FSTL5: variants seen among roughly 807,000 people sequenced by gnomAD.
The protein encoded by FSTL5 is follistatin-related protein 5.
A neutral mutation model predicts 89.1 loss-of-function variants in FSTL5; 62 were observed. That is an observed-to-expected ratio of 0.70 (90% CI 0.57 to 0.86). The LOEUF (loss-of-function observed/expected upper bound fraction) is 0.86. Ranked by LOEUF, FSTL5 falls within the 40% of genes least tolerant of loss-of-function variation. The pLI is 0.00. For synonymous variants in FSTL5, 383 were observed against 346.2 expected, an observed-to-expected ratio of 1.11 and a Z score of -1.18; for missense variants, 1,057 against 1,001.6, an observed-to-expected ratio of 1.06 and a Z score of -0.75.
At chr4:161,475,380 T>C (rs1336177405) in intron 13 of FSTL5, among the ~76,000 whole-genome samples, 1 of 152,156 alleles carries the variant, frequency 6.6e-6, no homozygotes, top group African/African-American at 2.4e-5. Flanking sequence ...ACTGCCGCAG[T>C]GCATATGTTG....
intron 4 of FSTL5, among the ~76,000 whole-genome samples, chr4:161,883,206 T>C (rs1732689219): frequency 6.6e-6 from 1 of 152,200 alleles, no homozygotes; most frequent in African/African-American, 2.4e-5. Flanking sequence ...CCTGTAATAC[T>C]GTAATCTCTA....
intron 15 of FSTL5, among the ~76,000 whole-genome samples, chr4:161,444,052 C>T (rs1275737137): frequency 6.6e-6 from 1 of 151,756 alleles, no homozygotes; most frequent in Non-Finnish European, 1.5e-5. Flanking sequence ...TTTTTATTTT[C>T]TTTCCTTGGA....
intron 15 of FSTL5, among the ~76,000 whole-genome samples, chr4:161,454,696 T>G (rs1299919046): frequency 6.6e-6 from 1 of 152,200 alleles, no homozygotes; most frequent in East Asian, 1.9e-4. Flanking sequence ...AATGCCAGCA[T>G]TTTGTAAGAG....
chr4:161,472,375 G>T (rs2126436940), intron 13 of FSTL5, among the ~76,000 whole-genome samples: 1 of 151,860 alleles, frequency 6.6e-6, no homozygotes, highest in East Asian at 1.9e-4. Context: ...CCTTCTTTCT[G>T]CTAGCTCTGA....
chr4:161,651,409 T>A (rs1354660001), intron 7 of FSTL5, among the ~76,000 whole-genome samples: 1 of 152,116 alleles, frequency 6.6e-6, no homozygotes, highest in Non-Finnish European at 1.5e-5. Flanking sequence ...GGTTCCAGCA[T>A]TTCCTGTGAA....
chr4:161,580,485 G>A (rs1578942500), intron 8 of FSTL5, among the ~76,000 whole-genome samples: 1 of 152,164 alleles, frequency 6.6e-6, no homozygotes. Context: ...AATGGGAAAA[G>A]TTAGACAATG....
rs148886890 is a variant in FSTL5, at chr4:161,549,483, C to A, written c.1016-6790G>T. 7.2e-4 allele frequency among the ~76,000 whole-genome samples: 110 copies of A among 151,828 alleles called. 1 individual carries two copies. The highest frequency in any genetic ancestry group is 2.6e-3 in the African/African-American group (106 of 41,474). The stretch of plus-strand genomic sequence containing the variant: ...AGCCGGGTGACTTGTGTAATGAAGA[C>A]CATGTGGAAGAGTTCCACAGGATGT... On this transcript the variant is annotated intron_variant, in intron 8 of 15. Transcript: ENST00000306100.
At chr4:162,143,805 CACACACACACACACAT>C (rs1174078615) in intron 1 of FSTL5, among the ~76,000 whole-genome samples, 1 of 139,102 alleles carries the variant, frequency 7.2e-6, no homozygotes, top group African/African-American at 2.6e-5. Context: ...CACACACACA[CACACACACACACACAT>C]ACAAACACAC....
Position 161,770,935 on chromosome 4 carries a change from T to G in FSTL5, c.606+4943A>C, listed in dbSNP as rs762208119. Among the ~76,000 whole-genome samples the G allele has an allele frequency of 6.6e-5, 10 of 152,044 alleles. 1 individual carries two copies. Among genetic ancestry groups the G allele is most frequent in the Non-Finnish European group, 1.3e-4 (9 of 67,938 alleles). On this transcript the variant is annotated intron_variant, in intron 5 of 15. Transcript: ENST00000306100. ...GAATTCTTAGGATTAGGAACACTCATGCGAGCTATATGAGACAGGTAGATA... is the reference window on the plus strand; with the variant it reads ...GAATTCTTAGGATTAGGAACACTCAGGCGAGCTATATGAGACAGGTAGATA...
chr4:162,116,755 T>A (rs1731658444), intron 1 of FSTL5, among the ~76,000 whole-genome samples: 1 of 152,144 alleles, frequency 6.6e-6, no homozygotes, highest in Admixed American at 6.5e-5. Context: ...CCGCGAGGCT[T>A]CACACAAGGG....
chr4:161,569,213 A>T (rs536649159), intron 8 of FSTL5, among the ~76,000 whole-genome samples: 1 of 152,172 alleles, frequency 6.6e-6, no homozygotes. Context: ...ACTAGCCTCA[A>T]TGTTCCCTCC....
In FSTL5 at chr4:161,700,518, G is replaced by C. The variant is rs900914022; in HGVS notation, c.728-44024C>G. On this transcript the variant is annotated intron_variant, in intron 6 of 15. Transcript: ENST00000306100. Reference sequence around the variant, plus strand: ...AAATTGTTATCGATTTATTTATTTTGAGACAGGGTTATGAAACTGGCTAAT... The same window carrying C: ...AAATTGTTATCGATTTATTTATTTTCAGACAGGGTTATGAAACTGGCTAAT... Among the ~76,000 whole-genome samples, 5 of 150,334 alleles carry C rather than the reference G, an allele frequency of 3.3e-5. No individual in the cohort carries two copies. In the South Asian group the frequency reaches 1.1e-3, roughly 32 times the overall value.
chr4:162,126,275 A>C (rs1241490623), intron 1 of FSTL5, among the ~76,000 whole-genome samples: 2 of 152,008 alleles, frequency 1.3e-5, no homozygotes, highest in African/African-American at 2.4e-5. Context: ...TTGTATCTTA[A>C]AATTTTTGAC....
intron 1 of FSTL5, among the ~76,000 whole-genome samples, chr4:162,153,745 A>ATATGT (rs375756150): frequency 9.1e-6 from 1 of 109,854 alleles, no homozygotes; most frequent in Admixed American, 1.2e-4. Context: ...TGTATATAAT[A>ATATGT]ATATACATGT....
intron 2 of FSTL5, among the ~76,000 whole-genome samples, chr4:162,073,221 A>G (rs1729698565): frequency 6.6e-6 from 1 of 151,782 alleles, no homozygotes; most frequent in East Asian, 1.9e-4. Context: ...CTGTAGAACT[A>G]TATGTTTTTA....
intron 6 of FSTL5, among the ~76,000 whole-genome samples, chr4:161,694,141 C>G (rs1738052915): frequency 6.6e-6 from 1 of 152,094 alleles, no homozygotes; most frequent in Admixed American, 6.5e-5. Context: ...GTTGTCTAAT[C>G]TTAACTATTC....
chr4:161,884,969 T>C (rs149189561), intron 4 of FSTL5, among the ~76,000 whole-genome samples: 238 of 152,256 alleles, frequency 1.6e-3, no homozygotes, highest in African/African-American at 5.6e-3. Context: ...GAATAGTTCC[T>C]ATTATTGACA....
intron 4 of FSTL5, among the ~76,000 whole-genome samples, chr4:161,881,512 C>T (rs879795393): frequency 1.3e-5 from 2 of 152,106 alleles, no homozygotes; most frequent in Non-Finnish European, 2.9e-5. Flanking sequence ...TTTAAGTTCT[C>T]GAAATCATGG....
chr4:161,958,586 C>T (rs1011708144), intron 3 of FSTL5, among the ~76,000 whole-genome samples: 1 of 151,932 alleles, frequency 6.6e-6, no homozygotes, highest in South Asian at 2.1e-4. Flanking sequence ...GAGGCAAGAC[C>T]CTCTTGGGTA....
Sources: allele counts gnomAD v4.1 joint callset (sites outside exome capture counted in the v4.1 genomes callset), GRCh38; gene constraint gnomAD v4.1.1; transcripts MANE v1.5; gene names NCBI Gene and HGNC (gene_info 2026-07-23, HGNC 2026-07-21).